Variants in ARHGAP15 observed in about 807,000 individuals in gnomAD.
ARHGAP15 encodes the protein rho GTPase-activating protein 15.
A neutral mutation model predicts 63.7 loss-of-function variants in ARHGAP15; 51 were observed. The ratio of observed to expected loss-of-function variants is 0.80; its 90% CI spans 0.64 to 1.01. The LOEUF is 1.01. ARHGAP15 is among the 50% of genes least tolerant of loss of function. The pLI is 0.00. For synonymous variants in ARHGAP15, 191 were observed against 193.8 expected, an observed-to-expected ratio of 0.99 and a Z score of 0.12; for missense variants, 560 against 564.6, an observed-to-expected ratio of 0.99 and a Z score of 0.08.
At chr2:143,215,965 T>C (rs1284891523) in intron 3 of ARHGAP15, among the ~76,000 whole-genome samples, 1 of 152,218 alleles carries the variant, frequency 6.6e-6, no homozygotes, top group African/African-American at 2.4e-5. Flanking sequence ...AGTTACCTGG[T>C]CCCATTGAAG....
At chr2:143,540,418 A>G (rs1162328369) in intron 10 of ARHGAP15, among the ~76,000 whole-genome samples, 2 of 152,150 alleles carry the variant, frequency 1.3e-5, no homozygotes, top group African/African-American at 2.4e-5. Context: ...TGATCCTGTC[A>G]TTATGTTAGC....
chr2:143,285,461 C>T (rs186779133), intron 6 of ARHGAP15, among the ~76,000 whole-genome samples: 54 of 152,002 alleles, frequency 3.6e-4, no homozygotes, highest in Admixed American at 1.4e-3. Flanking sequence ...TTTTATTTTC[C>T]AATATCTTTA....
intron 8 of ARHGAP15, among the ~76,000 whole-genome samples, chr2:143,448,944 A>G (rs1207131354): frequency 6.6e-6 from 1 of 152,078 alleles, no homozygotes; most frequent in Non-Finnish European, 1.5e-5. Context: ...GACTTGGACA[A>G]AAGACCTACT....
intron 6 of ARHGAP15, among the ~76,000 whole-genome samples, chr2:143,397,178 C>T (rs1169185130): frequency 6.6e-6 from 1 of 152,020 alleles, no homozygotes; most frequent in Non-Finnish European, 1.5e-5. Context: ...GGTCAGAAGA[C>T]ATAAATCCCT....
chr2:143,322,071 T>C (rs1309200738), intron 6 of ARHGAP15, among the ~76,000 whole-genome samples: 3 of 144,450 alleles, frequency 2.1e-5, no homozygotes, highest in African/African-American at 7.3e-5. Flanking sequence ...TTCTATGCCT[T>C]TTAAAATTTC....
chr2:143,667,912 C>T (rs1682309461), intron 12 of ARHGAP15, among the ~76,000 whole-genome samples: 1 of 152,070 alleles, frequency 6.6e-6, no homozygotes, highest in Non-Finnish European at 1.5e-5. Flanking sequence ...CACCTGAACC[C>T]AGGAAGTTGA....
chr2:143,500,658 T>C (rs1293384289), intron 9 of ARHGAP15, among the ~76,000 whole-genome samples: 1 of 152,168 alleles, frequency 6.6e-6, no homozygotes, highest in Non-Finnish European at 1.5e-5. Flanking sequence ...TTCCCCAAAA[T>C]TATAATGTAT....
At chr2:143,583,558 G>A (rs1696995201) in intron 11 of ARHGAP15, among the ~76,000 whole-genome samples, 1 of 152,138 alleles carries the variant, frequency 6.6e-6, no homozygotes, top group Admixed American at 6.6e-5. Flanking sequence ...CAGAAAGGTA[G>A]ATGGTGTGGA....
At chr2:143,434,868 G>A (rs912164852) in intron 6 of ARHGAP15, among the ~76,000 whole-genome samples, 7 of 152,046 alleles carry the variant, frequency 4.6e-5, no homozygotes, top group African/African-American at 1.7e-4. Flanking sequence ...TCACAAGTCT[G>A]GGGAGAAAAA....
At chr2:143,150,992 G>A (rs1208704235) in intron 1 of ARHGAP15, among the ~76,000 whole-genome samples, 1 of 152,000 alleles carries the variant, frequency 6.6e-6, no homozygotes, top group Non-Finnish European at 1.5e-5. Flanking sequence ...AAAATTGAAG[G>A]TCAGTGAGGA....
chr2:143,485,419 G>C (rs1348274805), intron 8 of ARHGAP15, among the ~76,000 whole-genome samples: 1 of 152,166 alleles, frequency 6.6e-6, no homozygotes, highest in Non-Finnish European at 1.5e-5. Context: ...TGGTAGATAT[G>C]TATGAGATTG....
chr2:143,709,051 G>C (rs1684458246), intron 13 of ARHGAP15, among the ~76,000 whole-genome samples: 1 of 152,004 alleles, frequency 6.6e-6, no homozygotes, highest in African/African-American at 2.4e-5. Flanking sequence ...GGAAGTACTA[G>C]AACTTTTGTT....
intron 11 of ARHGAP15, 115 bp downstream of exon 11, chr2:143,556,600 A>C: frequency 1.4e-6 from 1 of 722,684 alleles, no homozygotes; most frequent in Non-Finnish European, 2.2e-6. Context: ...AGAATGTGAA[A>C]GTGGAAGAAA....
intron 6 of ARHGAP15, among the ~76,000 whole-genome samples, chr2:143,359,794 G>A (rs1005343649): frequency 2.5e-4 from 38 of 152,080 alleles, no homozygotes; most frequent in African/African-American, 9.2e-4. Context: ...GTTTACATTA[G>A]AAAACGGAAC....
intron 6 of ARHGAP15, among the ~76,000 whole-genome samples, chr2:143,307,639 A>T (rs1263007821): frequency 6.6e-6 from 1 of 152,128 alleles, no homozygotes; most frequent in Non-Finnish European, 1.5e-5. Flanking sequence ...CAGTGTGAAA[A>T]GAGAGAGAAA....
At chr2:143,444,232 C>T (rs1690028622) in intron 8 of ARHGAP15, among the ~76,000 whole-genome samples, 1 of 152,106 alleles carries the variant, frequency 6.6e-6, no homozygotes, top group African/African-American at 2.4e-5. Context: ...ATCCAGAGGG[C>T]TCTTTGCTCT....
At chr2:143,130,749 T>C (rs1688886514) in intron 1 of ARHGAP15, among the ~76,000 whole-genome samples, 1 of 152,158 alleles carries the variant, frequency 6.6e-6, no homozygotes, top group Non-Finnish European at 1.5e-5. Flanking sequence ...CATTTTTTAT[T>C]GTTAGCATGT....
chr2:143,413,466 C>G (rs1688531228), intron 6 of ARHGAP15, among the ~76,000 whole-genome samples: 1 of 152,142 alleles, frequency 6.6e-6, no homozygotes, highest in Non-Finnish European at 1.5e-5. Flanking sequence ...AGCTTCTCAG[C>G]CTATCACCTA....
At chr2:143,305,508 A>G (rs1388744257) in intron 6 of ARHGAP15, 4 of 152,070 alleles carry the variant, frequency 2.6e-5, no homozygotes, top group Non-Finnish European at 5.9e-5. Flanking sequence ...ATACTCATCT[A>G]GTTTTATGGG....
Sources: gnomAD v4.1 joint callset for allele counts (sites outside exome capture counted in the v4.1 genomes callset) on GRCh38, gnomAD v4.1.1 for gene constraint, MANE v1.5 for transcripts, NCBI Gene and HGNC (gene_info 2026-07-23, HGNC 2026-07-21) for gene names.